L3MBTL1: variants seen among roughly 807,000 people sequenced by gnomAD.
The protein encoded by L3MBTL1 is lethal(3)malignant brain tumor-like protein 1.
In L3MBTL1, 75 loss-of-function variants were observed where a neutral mutation model predicts 105.3. The observed-to-expected ratio is 0.71, with a 90% confidence interval of 0.59 to 0.86. The LOEUF is 0.86. L3MBTL1 is among the 40% of genes least tolerant of loss of function. L3MBTL1 has a pLI of 0.00. For missense variants in L3MBTL1, 1,069 were observed against 1,126.4 expected (o/e 0.95, Z 0.73); for synonymous variants, 452 against 436.2 (o/e 1.04, Z -0.45).
At chr20:43,508,324 G>A (rs2018040374) in intron 1 of L3MBTL1, among the ~76,000 whole-genome samples, 1 of 152,102 alleles carries the variant, frequency 6.6e-6, no homozygotes. Flanking sequence ...TACCAGTCCC[G>A]GGAGGCTGGT....
chr20:43,538,469 T>G (rs1343645840), intron 19 of L3MBTL1, among the ~76,000 whole-genome samples: 1 of 152,212 alleles, frequency 6.6e-6, no homozygotes, highest in African/African-American at 2.4e-5. Context: ...AGCTGGCCTG[T>G]CACCCAGAAG....
chr20:43,532,886 G>C lies in L3MBTL1; in HGVS notation c.1398G>C (p.Leu466=). Residue 466 remains leucine (L), a synonymous_variant, in exon 12 of 22, where the codon CTG becomes CTC. Transcript: ENST00000418998. ...SVTDVVDSRF[L]VHFDNWDDTY... ...CCGATGTGGTGGACAGCCGCTTCCT[G>C]GTGCACTTTGACAACTGGGATGATA... The C allele has an allele frequency of 6.2e-7, 1 of 1,614,112 alleles. No individual in the cohort carries two copies.
chr20:43,527,670 T>C (rs1168061160), intron 7 of L3MBTL1, among the ~76,000 whole-genome samples: 1 of 147,976 alleles, frequency 6.8e-6, no homozygotes, highest in Non-Finnish European at 1.5e-5. Flanking sequence ...CATATACACA[T>C]TTGTGTAAGT....
chr20:43,538,599 A>C (rs2019751932), intron 19 of L3MBTL1, among the ~76,000 whole-genome samples: 1 of 152,140 alleles, frequency 6.6e-6, no homozygotes, highest in African/African-American at 2.4e-5. Flanking sequence ...ATCTGCCCGG[A>C]GAGGACAGGG....
At chr20:43,546,772 T>A (rs1343209366), downstream of L3MBTL1, among the ~76,000 whole-genome samples, 1 of 152,224 alleles carries the variant, frequency 6.6e-6, no homozygotes, top group African/African-American at 2.4e-5. Context: ...ATTTTCCATA[T>A]TTGTTTCACC....
rs2018374124 is a variant in L3MBTL1 at position 43,516,091 on chromosome 20, A to G, written c.778-2A>G. On this transcript the variant is annotated splice_acceptor_variant, in intron 6 of 21. Coordinates refer to ENST00000418998, the MANE Select transcript of L3MBTL1 (RefSeq NM_001377303.1). LOFTEE classifies it high-confidence loss of function. Reference sequence around the variant, plus strand: ...AGCTGGGATCAGGCTTGCCTTCTACAGGAGAAGCAAGAAGAAGGAAAGGAC... The same window carrying G: ...AGCTGGGATCAGGCTTGCCTTCTACGGGAGAAGCAAGAAGAAGGAAAGGAC... 1.2e-6 allele frequency: 2 copies of G among 1,611,678 alleles called. No homozygotes were observed. Among genetic ancestry groups the G allele is most frequent in the South Asian group, 1.1e-5 (1 of 91,024 alleles).
Position 43,535,847 on chromosome 20 carries a change from G to C in L3MBTL1, c.1836G>C (p.Glu612Asp). ...TTTCTGCTCTTTTAGGACCCAGAGA[G>C]CCCAGCTCTGCCTCCCCTGGGGGCT... ...HPLQPPLGPR[E>D]PSSASPGGCP... Residue 612 changes from glutamate (E) to aspartate (D), a missense_variant, in exon 17 of 22, where the codon GAG (glutamate) becomes GAC (aspartate). By Grantham distance (45) the Glu-to-Asp change is conservative. Transcript: ENST00000418998. The C allele has an allele frequency of 1.9e-6, 3 of 1,597,440 alleles. No homozygotes were observed. The highest frequency in any genetic ancestry group is 2.6e-6 in the Non-Finnish European group (3 of 1,172,652).
chr20:43,536,340 G>T, intron 18 of L3MBTL1, 46 bp downstream of exon 18: 1 of 1,612,110 alleles, frequency 6.2e-7, no homozygotes, highest in East Asian at 2.2e-5. Flanking sequence ...GGGGGTGTGG[G>T]GCCTTGTAGC....
At chr20:43,543,768 G>A (rs770979646), downstream of L3MBTL1, among the ~76,000 whole-genome samples, 2 of 152,216 alleles carry the variant, frequency 1.3e-5, no homozygotes, top group Non-Finnish European at 2.9e-5. Flanking sequence ...CATGAGTGAG[G>A]AATTAGAGCA....
intron 11 of L3MBTL1, 46 bp from the exon 12 acceptor site, chr20:43,532,727 T>C: frequency 2.5e-6 from 4 of 1,611,722 alleles, no homozygotes; most frequent in Non-Finnish European, 3.4e-6. Flanking sequence ...TGGGCTGGTC[T>C]TAGCCAGCTT....
intron 20 of L3MBTL1, 54 bp from the exon 21 acceptor site, chr20:43,540,699 C>T (rs2019868468): frequency 6.4e-7 from 1 of 1,564,776 alleles, no homozygotes; most frequent in East Asian, 2.2e-5. Context: ...GGCCAGCTCT[C>T]CCTACATGCC....
At chr20:43,516,587 A>G (rs1055495228) in intron 7 of L3MBTL1, among the ~76,000 whole-genome samples, 4 of 152,118 alleles carry the variant, frequency 2.6e-5, no homozygotes, top group African/African-American at 9.7e-5. Context: ...AGAAAAATGG[A>G]GCAGAGGTCA....
intron 9 of L3MBTL1, 143 bp downstream of exon 9, chr20:43,529,511 G>A (rs1474106028): frequency 3.0e-6 from 2 of 666,968 alleles, no homozygotes; most frequent in South Asian, 1.8e-5. Context: ...TACATAGAAA[G>A]CTTAAAACAA....
At chr20:43,537,082 G>A (rs6130412) in intron 19 of L3MBTL1, among the ~76,000 whole-genome samples, 16,547 of 152,250 alleles carry the variant, frequency 0.11, 1,104 homozygotes, top group East Asian at 0.32. Context: ...CATTCACCTT[G>A]TAAGGGGGAG....
At chr20:43,537,037 G>A (rs1200760304) in intron 19 of L3MBTL1, among the ~76,000 whole-genome samples, 2 of 152,220 alleles carry the variant, frequency 1.3e-5, no homozygotes, top group Admixed American at 1.3e-4. Flanking sequence ...GAGGAGGAAT[G>A]TGAGTCTCAG....
In L3MBTL1 at chr20:43,541,388, A is replaced by C; in HGVS notation, c.*260A>C. 1 of 517,030 alleles carries C rather than the reference A, an allele frequency of 1.9e-6. No individual in the cohort carries two copies. Among genetic ancestry groups the C allele is most frequent in the Non-Finnish European group, 3.3e-6 (1 of 305,536 alleles). The allele number at this position is 517,030 out of a possible 1,614,324, so 32.0% of individuals were successfully genotyped here. ...AAATGGAGATAAAATGGGTTTAATG[A>C]GGTCTACCTTGCAGAGCCATTGTGA... On this transcript the variant is annotated 3_prime_UTR_variant, in exon 22 of 22. Coordinates refer to ENST00000418998, the MANE Select transcript of L3MBTL1 (RefSeq NM_001377303.1).
intron 7 of L3MBTL1, among the ~76,000 whole-genome samples, chr20:43,517,280 G>T (rs1041183103): frequency 4.6e-5 from 7 of 151,610 alleles, no homozygotes; most frequent in Non-Finnish European, 1.0e-4. Flanking sequence ...TGTGTTAATA[G>T]AGACAGGGTT....
intron 1 of L3MBTL1, among the ~76,000 whole-genome samples, 197 bp downstream of exon 1, chr20:43,507,941 G>T (rs1419165365): frequency 6.6e-6 from 1 of 152,142 alleles, no homozygotes; most frequent in Non-Finnish European, 1.5e-5. Context: ...AGCGCGCAGG[G>T]GGCCAGGCGG....
chr20:43,512,378 T>G (rs1826346681), intron 1 of L3MBTL1, among the ~76,000 whole-genome samples: 1 of 152,152 alleles, frequency 6.6e-6, no homozygotes, highest in South Asian at 2.1e-4. Context: ...CGCTATTTAT[T>G]TACTTATTTC....
Sources: gnomAD v4.1 joint callset for allele counts (sites outside exome capture counted in the v4.1 genomes callset) on GRCh38, gnomAD v4.1.1 for gene constraint, MANE v1.5 for transcripts, NCBI Gene and HGNC (gene_info 2026-07-23, HGNC 2026-07-21) for gene names.